The following CLSTN2 variants were observed in gnomAD, a reference collection of about 807,000 sequenced individuals.
The protein encoded by CLSTN2 is calsyntenin 2, also known as calsyntenin-2.
Under a neutral mutation model 101.2 loss-of-function variants are expected in CLSTN2, and 48 were observed. The ratio of observed to expected loss-of-function variants is 0.47; its 90% CI spans 0.38 to 0.60. The LOEUF (loss-of-function observed/expected upper bound fraction) is 0.60, where lower values mean the gene tolerates loss of function less well. Ranked by LOEUF, CLSTN2 falls within the 20% of genes least tolerant of loss-of-function variation. The pLI is 0.00. For synonymous variants in CLSTN2, 481 were observed against 463.6 expected (o/e 1.04, Z -0.48); for missense variants, 1,160 against 1,238.2 (o/e 0.94, Z 0.95).
intron 2 of CLSTN2, among the ~76,000 whole-genome samples, chr3:140,245,025 C>A (rs939644700): frequency 6.6e-6 from 1 of 152,204 alleles, no homozygotes; most frequent in African/African-American, 2.4e-5. Flanking sequence ...ACTTGCCTCC[C>A]TCATACCACA....
At chr3:140,223,499 G>A (rs2086292951) in intron 2 of CLSTN2, among the ~76,000 whole-genome samples, 1 of 152,130 alleles carries the variant, frequency 6.6e-6, no homozygotes, top group Admixed American at 6.5e-5. Flanking sequence ...TGCTCCGAGA[G>A]ATGCACTTCC....
intron 8 of CLSTN2, among the ~76,000 whole-genome samples, chr3:140,517,352 G>A (rs1254158416): frequency 6.6e-6 from 1 of 152,112 alleles, no homozygotes; most frequent in Non-Finnish European, 1.5e-5. Flanking sequence ...GGGTCCATTG[G>A]TGGTGAGCTG....
chr3:140,039,151 T>C (rs1326024407), intron 1 of CLSTN2, among the ~76,000 whole-genome samples: 1 of 152,222 alleles, frequency 6.6e-6, no homozygotes, highest in African/African-American at 2.4e-5. Flanking sequence ...TCCATTTCTT[T>C]TACCTGGATA....
At chr3:140,476,606 C>A (rs1027674307) in intron 8 of CLSTN2, among the ~76,000 whole-genome samples, 5 of 151,718 alleles carry the variant, frequency 3.3e-5, no homozygotes, top group Non-Finnish European at 5.9e-5. Flanking sequence ...GGATGTCCAT[C>A]CAGAAACAGA....
intron 2 of CLSTN2, among the ~76,000 whole-genome samples, chr3:140,285,335 G>A (rs559296898): frequency 1.3e-5 from 2 of 152,126 alleles, no homozygotes; most frequent in East Asian, 3.9e-4. Context: ...CTATTGGGGA[G>A]TTGGAAGATG....
intron 2 of CLSTN2, among the ~76,000 whole-genome samples, chr3:140,214,254 A>G (rs2010894417): frequency 6.6e-6 from 1 of 152,134 alleles, no homozygotes; most frequent in Non-Finnish European, 1.5e-5. Context: ...AGCTTGGCCA[A>G]TATGGTGAAA....
At chr3:140,564,298 T>A (rs1447985439) in intron 16 of CLSTN2, among the ~76,000 whole-genome samples, 153 bp downstream of exon 16, 1 of 152,100 alleles carries the variant, frequency 6.6e-6, no homozygotes, top group Non-Finnish European at 1.5e-5. Context: ...GTCTCTGAGC[T>A]CCTCTAGCCC....
At chr3:140,362,092 C>T (rs1576532674) in intron 2 of CLSTN2, among the ~76,000 whole-genome samples, 2 of 152,258 alleles carry the variant, frequency 1.3e-5, no homozygotes, top group East Asian at 3.9e-4. Context: ...GTAATCAGCA[C>T]AGTGAGGTAC....
At chr3:140,409,063 C>A (rs1002165200) in intron 4 of CLSTN2, among the ~76,000 whole-genome samples, 4 of 152,236 alleles carry the variant, frequency 2.6e-5, no homozygotes, top group African/African-American at 9.6e-5. Flanking sequence ...GCTGCACATG[C>A]ATATGTAGCT....
intron 1 of CLSTN2, among the ~76,000 whole-genome samples, chr3:140,159,570 T>C (rs1045264042): frequency 1.3e-5 from 2 of 152,168 alleles, no homozygotes; most frequent in African/African-American, 4.8e-5. Context: ...TTGGTGGTAA[T>C]GTAAATTAAA....
At chr3:140,415,486 CAAAA>C (rs751616049) in intron 4 of CLSTN2, among the ~76,000 whole-genome samples, 972 of 56,880 alleles carry the variant, frequency 0.017, 8 homozygotes, top group African/African-American at 0.069. Context: ...CACAAAATAG[CAAAA>C]AAAAAAAAAA....
At chr3:140,049,793 A>G (rs1017676552) in intron 1 of CLSTN2, among the ~76,000 whole-genome samples, 1 of 152,232 alleles carries the variant, frequency 6.6e-6, no homozygotes. Context: ...TCAAAAGGTG[A>G]TCACAGTGTG....
intron 2 of CLSTN2, among the ~76,000 whole-genome samples, chr3:140,223,544 C>A (rs1300128542): frequency 6.6e-6 from 1 of 152,042 alleles, no homozygotes. Flanking sequence ...TGCTTTTTTG[C>A]ACCCGGCTTT....
intron 1 of CLSTN2, among the ~76,000 whole-genome samples, chr3:140,103,392 G>A (rs529569810): frequency 6.6e-6 from 1 of 152,290 alleles, no homozygotes; most frequent in South Asian, 2.1e-4. Flanking sequence ...TGCTTTCAGA[G>A]GAGACAGGAA....
At chr3:140,042,366 C>T (rs1168607377) in intron 1 of CLSTN2, among the ~76,000 whole-genome samples, 14 of 152,106 alleles carry the variant, frequency 9.2e-5, no homozygotes, top group Admixed American at 7.9e-4. Context: ...CACTCAGTAC[C>T]GTGTTGTCAA....
chr3:140,468,602 C>T (rs189039568), intron 8 of CLSTN2, among the ~76,000 whole-genome samples: 4 of 152,208 alleles, frequency 2.6e-5, no homozygotes, highest in East Asian at 1.9e-4. Context: ...AAATTATTCT[C>T]GTCTCTGCTA....
At chr3:140,033,366 T>A (rs2007594947) in intron 1 of CLSTN2, among the ~76,000 whole-genome samples, 1 of 152,228 alleles carries the variant, frequency 6.6e-6, no homozygotes, top group Non-Finnish European at 1.5e-5. Flanking sequence ...TGCCAGGTGC[T>A]GGCTTTGGAT....
At chr3:140,413,696 C>T (rs2088392604) in intron 4 of CLSTN2, among the ~76,000 whole-genome samples, 1 of 152,122 alleles carries the variant, frequency 6.6e-6, no homozygotes, top group Non-Finnish European at 1.5e-5. Flanking sequence ...TTAAAAGGAT[C>T]ATACACCATG....
rs11707777 is a variant in CLSTN2 at position 140,556,557 on chromosome 3, C to G, written c.1719C>G (p.Asp573Glu). 2.7e-5 allele frequency: 43 copies of G among 1,614,034 alleles called. No homozygotes were observed. The African/African-American group carries it at 4.4e-4, about 17-fold the overall frequency. ...PSQSILVMEG[D>E]DIGNINRALQ... Reference sequence around the variant, plus strand: ...AGTCCATCCTGGTGATGGAAGGTGACGACATTGGGAACATTAACCGTGCTC... The same window carrying G: ...AGTCCATCCTGGTGATGGAAGGTGAGGACATTGGGAACATTAACCGTGCTC... Residue 573 changes from aspartate to glutamate, a missense_variant, in exon 11 of 17, where the codon GAC becomes GAG. Physicochemically the swap from Asp to Glu is conservative, Grantham distance 45. Coordinates refer to ENST00000458420, the MANE Select transcript of CLSTN2 (RefSeq NM_022131.3).
Sources: allele counts gnomAD v4.1 joint callset (sites outside exome capture counted in the v4.1 genomes callset), GRCh38; gene constraint gnomAD v4.1.1; transcripts MANE v1.5; gene names NCBI Gene and HGNC (gene_info 2026-07-23, HGNC 2026-07-21).